The following ADAMTS7 variants were observed in gnomAD, a reference collection of about 807,000 sequenced individuals.
ADAMTS7 encodes ADAM metallopeptidase with thrombospondin type 1 motif 7, also known as A disintegrin and metalloproteinase with thrombospondin motifs 7.
A neutral mutation model predicts 172.6 loss-of-function variants in ADAMTS7; 89 were observed. The ratio of observed to expected loss-of-function variants is 0.52; its 90% CI spans 0.43 to 0.61. ADAMTS7 has a LOEUF of 0.61. Among genes scored for constraint, ADAMTS7 ranks in the 20% least tolerant of loss-of-function variants. ADAMTS7 has a pLI of 0.00. For missense variants in ADAMTS7, 1,973 were observed against 2,355.6 expected (o/e 0.84, Z 3.36); for synonymous variants, 885 against 978.4 (o/e 0.90, Z 1.78).
Position 78,800,075 on chromosome 15 carries a change from G to A in ADAMTS7, c.456+117C>T. On this transcript the variant is annotated intron_variant, in intron 2 of 23. Transcript: ENST00000388820. ...CTTTACAGGCGTGAATACCGAGGCT[G>A]GCAGAGAAAAAGTGCACTGGGCAAA... The A allele has an allele frequency of 3.4e-6, 3 of 877,552 alleles. No homozygotes were observed. The South Asian group carries it at 4.7e-5, about 14-fold the overall frequency. The allele number at this position is 877,552 out of a possible 1,614,324, so 54.4% of individuals were successfully genotyped here.
chr15:78,761,067 G>A (rs1317230241), intron 23 of ADAMTS7, among the ~76,000 whole-genome samples: 1 of 152,208 alleles, frequency 6.6e-6, no homozygotes, highest in Admixed American at 6.5e-5. Flanking sequence ...ACATAGGAGT[G>A]CTCTGAGATG....
chr15:78,788,033 G>A (rs577027525), intron 8 of ADAMTS7, among the ~76,000 whole-genome samples, 198 bp downstream of exon 8: 2 of 152,178 alleles, frequency 1.3e-5, no homozygotes, highest in East Asian at 3.9e-4. Context: ...TCTTTGCCAG[G>A]TGCCCCTCTG....
chr15:78,800,269 C>T lies in ADAMTS7; in HGVS notation c.379G>A (p.Ala127Thr). 4 of 1,594,948 alleles carry T rather than the reference C, an allele frequency of 2.5e-6. No individual in the cohort carries two copies. The highest frequency in any genetic ancestry group is 3.4e-6 in the Non-Finnish European group (4 of 1,177,634). Reference protein sequence around the residue: ...GRAHIRAHTPACHLLGEVQDP... With the variant: ...GRAHIRAHTPTCHLLGEVQDP... ...TGCACCTCGCCAAGCAGGTGGCAGG[C>T]CGGGGTGTGGGCCCGGATGTGCGCG... is the stretch of plus-strand genomic sequence containing the variant. The change falls in exon 2 of 24, where the codon GCC (alanine) becomes ACC (threonine). Residue 127 changes from alanine to threonine, a missense_variant. Around this residue, in one of 8 missense-constraint regions of ADAMTS7, gnomAD observed 306 missense variants for 288.0 expected, o/e 1.06. Coordinates refer to ENST00000388820, the MANE Select transcript of ADAMTS7 (RefSeq NM_014272.5).
intron 1 of ADAMTS7, among the ~76,000 whole-genome samples, chr15:78,806,140 A>AC (rs1567245929): frequency 1.3e-4 from 17 of 134,310 alleles, no homozygotes; most frequent in African/African-American, 4.7e-4. Flanking sequence ...AAAAAAAAAA[A>AC]AAAAAAAAAA....
chr15:78,781,581 C>T (rs1205622932), intron 8 of ADAMTS7, among the ~76,000 whole-genome samples: 1 of 152,210 alleles, frequency 6.6e-6, no homozygotes, highest in Non-Finnish European at 1.5e-5. Flanking sequence ...GAGCCAAGTC[C>T]CTCAAGCATT....
intron 7 of ADAMTS7, among the ~76,000 whole-genome samples, chr15:78,788,697 G>A (rs2055539591): frequency 6.6e-6 from 1 of 152,254 alleles, no homozygotes; most frequent in East Asian, 1.9e-4. Context: ...GCCCGTGATG[G>A]CCCCTGCAAG....
intron 11 of ADAMTS7, among the ~76,000 whole-genome samples, chr15:78,775,395 C>T (rs1320946793): frequency 6.6e-6 from 1 of 152,208 alleles, no homozygotes. Context: ...GGGAGGGGCA[C>T]AGGCCACTCT....
intron 8 of ADAMTS7, among the ~76,000 whole-genome samples, chr15:78,786,142 C>G (rs2055499619): frequency 6.6e-6 from 1 of 151,590 alleles, no homozygotes; most frequent in Non-Finnish European, 1.5e-5. Context: ...GTTGGCCAGG[C>G]TTGTCTCGAA....
At chr15:78,797,918 C>T (rs779247826) in intron 3 of ADAMTS7, 30 bp downstream of exon 3, 1 of 1,585,006 alleles carries the variant, frequency 6.3e-7, no homozygotes, top group Non-Finnish European at 8.5e-7. Flanking sequence ...GCCCAGCACC[C>T]ACCCGAGAAC....
intron 1 of ADAMTS7, chr15:78,810,886 C>A (rs1473730758): frequency 8.8e-5 from 34 of 386,990 alleles, no homozygotes. Context: ...AGGCGACAGG[C>A]AGTGTCAGTA....
chr15:78,791,006 G>A (rs2055573015), intron 5 of ADAMTS7, 134 bp downstream of exon 5: 4 of 1,241,534 alleles, frequency 3.2e-6, no homozygotes, highest in South Asian at 1.4e-5. Context: ...GAACCAGGGG[G>A]TGGCAGGGGA....
chr15:78,780,152 T>C (rs1198776542), intron 8 of ADAMTS7, among the ~76,000 whole-genome samples: 2 of 143,132 alleles, frequency 1.4e-5, no homozygotes, highest in Non-Finnish European at 3.1e-5. Context: ...AGCCCTTCCT[T>C]CCTCTGGCAG....
At position 78,764,060 on chromosome 15, in the gene ADAMTS7, C is replaced by A; in HGVS notation, c.4459G>T (p.Val1487Leu). Residue 1487 changes from valine (V) to leucine (L), a missense_variant, in exon 21 of 24, where the codon GTG becomes TTG. By Grantham distance (32) the Val-to-Leu change is conservative. This residue lies in a region of ADAMTS7 where 218 missense variants were observed against 216.9 expected (regional missense o/e 1.01). Transcript: ENST00000388820. ...SCGGGSSVRD[V>L]QCVDTRDLRP... The stretch of plus-strand genomic sequence containing the variant: ...AGGTCCCGTGTGTCCACACACTGCA[C>A]GTCCCGCACTGAGGAACCTCCGCCG... The A allele has an allele frequency of 6.5e-7, 1 of 1,532,038 alleles. No homozygotes were observed. The highest frequency in any genetic ancestry group is 8.8e-7 in the Non-Finnish European group (1 of 1,136,560). 94.9% of individuals were successfully genotyped at this position (1,532,038 alleles called of 1,614,324 possible). A position where few individuals can be genotyped will look rare whatever the true frequency, so the allele number is the denominator to read the frequency against.
At chr15:78,810,742 T>A (rs1035430923) in intron 1 of ADAMTS7, 2 of 165,230 alleles carry the variant, frequency 1.2e-5, no homozygotes, top group African/African-American at 2.4e-5. Flanking sequence ...CTAAGGAGTG[T>A]GAGAAACCAA....
intron 11 of ADAMTS7, among the ~76,000 whole-genome samples, chr15:78,775,646 C>G (rs1482305763): frequency 6.6e-6 from 1 of 152,172 alleles, no homozygotes; most frequent in African/African-American, 2.4e-5. Context: ...ATCCTCCCAG[C>G]TGCTCCGTCT....
chr15:78,805,433 C>G (rs568441789), intron 1 of ADAMTS7, among the ~76,000 whole-genome samples: 88 of 152,258 alleles, frequency 5.8e-4, no homozygotes, highest in Middle Eastern at 3.4e-3. Context: ...TGCTCCCTGG[C>G]AGAAGTGGCT....
intron 13 of ADAMTS7, 111 bp downstream of exon 13, chr15:78,774,056 G>A: frequency 1.3e-6 from 2 of 1,503,972 alleles, no homozygotes; most frequent in South Asian, 2.4e-5. Flanking sequence ...GAGAACCTGG[G>A]GCCCGCCATG....
chr15:78,790,844 G>T, intron 5 of ADAMTS7, 50 bp from the exon 6 acceptor site: 1 of 1,606,878 alleles, frequency 6.2e-7, no homozygotes, highest in South Asian at 1.1e-5. Context: ...TTCCAAGAAG[G>T]TCAGGCCCAA....
rs570631129 is a variant in ADAMTS7, at chr15:78,774,493, C to T, written c.1876+131G>A. On this transcript the variant is annotated intron_variant, in intron 12 of 23. Transcript: ENST00000388820. ...TGGGGAGCTAGGGGCGAGCAGCAGC[C>T]CCAGGGGACAGTGGGAGTGGCCCAG... 270 of 1,466,778 alleles carry T rather than the reference C, an allele frequency of 1.8e-4. 1 individual carries two copies. The African/African-American group carries it at 3.5e-3, about 19-fold the overall frequency. The allele number at this position is 1,466,778 out of a possible 1,614,324, so 90.9% of individuals were successfully genotyped here.
Sources: allele counts gnomAD v4.1 joint callset (sites outside exome capture counted in the v4.1 genomes callset), GRCh38; gene constraint gnomAD v4.1.1; regional missense constraint gnomAD v4.1.1; transcripts MANE v1.5; gene names NCBI Gene and HGNC (gene_info 2026-07-23, HGNC 2026-07-21).